Variants in GABBR2 observed in about 807,000 individuals in gnomAD.
GABBR2 encodes gamma-aminobutyric acid type B receptor subunit 2.
In GABBR2, 23 loss-of-function variants were observed where a neutral mutation model predicts 105.6. That is an observed-to-expected ratio of 0.22 (90% confidence interval 0.16 to 0.31). The LOEUF is 0.31. Among genes scored for constraint, GABBR2 ranks in the 10% least tolerant of loss-of-function variants. The pLI is 1.00. For missense variants in GABBR2, 734 were observed against 1,245.5 expected (o/e 0.59, Z 6.18); for synonymous variants, 478 against 499.7 (o/e 0.96, Z 0.58).
Position 98,377,066 on chromosome 9 carries a change from A to G in GABBR2, c.1663-5495T>C, listed in dbSNP as rs531602062. 5.3e-5 allele frequency among the ~76,000 whole-genome samples: 8 copies of G among 152,356 alleles called. No homozygotes were observed. The East Asian group carries it at 1.5e-3, about 29-fold the overall frequency. ...GCCAACACCCTTGTGTAGTGCAGAA[A>G]GTGCACAACTGCCCTTGGCAGCCTT... On this transcript the variant is annotated intron_variant, in intron 11 of 18. Transcript: ENST00000259455.
chr9:98,438,785 C>T (rs1442891381), intron 7 of GABBR2, among the ~76,000 whole-genome samples: 2 of 152,138 alleles, frequency 1.3e-5, no homozygotes, highest in African/African-American at 4.8e-5. Flanking sequence ...ATTAACCCTA[C>T]CACAAAAACC....
At position 98,349,344 on chromosome 9, in the gene GABBR2, GTTTTGTTT is replaced by G. The variant is rs1320563582; in HGVS notation, c.1893+13363_1893+13370del. Among the ~76,000 whole-genome samples the G allele has an allele frequency of 6.6e-5, 7 of 105,504 alleles. 1 individual carries two copies. Among genetic ancestry groups the G allele is most frequent in the African/African-American group, 2.8e-4 (7 of 24,916 alleles). 69.2% of individuals were successfully genotyped at this position (105,504 alleles called of 152,430 possible). On this transcript the variant is annotated intron_variant, in intron 13 of 18. Coordinates refer to ENST00000259455, the MANE Select transcript of GABBR2 (RefSeq NM_005458.8). ...TTTGGTTTGCCAATATTTTGTTGAA[GTTTTGTTT>G]TTTTTTTTTTTTTTTTTTTTTTTTT...
rs4743207 is a variant in GABBR2 at position 98,337,266 on chromosome 9, A to G, written c.1893+25449T>C. On this transcript the variant is annotated intron_variant, in intron 13 of 18. Transcript: ENST00000259455. ...GTTGCAGTGAGCCAAGATTGCACCA[A>G]TGCACTCCCGCCTGGGTGACAGAGT... 7.9e-4 allele frequency among the ~76,000 whole-genome samples: 120 copies of G among 151,940 alleles called. 4 individuals carry two copies. In the South Asian group the frequency reaches 0.024, roughly 31 times the overall value.
chr9:98,549,555 T>C (rs78230278), intron 2 of GABBR2, among the ~76,000 whole-genome samples: 1,694 of 152,314 alleles, frequency 0.011, 32 homozygotes, highest in African/African-American at 0.039. Context: ...AGGTTCATGA[T>C]TGGTACCATC....
chr9:98,494,823 G>A (rs1827244949), intron 4 of GABBR2, among the ~76,000 whole-genome samples: 1 of 152,208 alleles, frequency 6.6e-6, no homozygotes, highest in Non-Finnish European at 1.5e-5. Context: ...TGGTTGATGG[G>A]TAGAGAGTCC....
chr9:98,295,401 T>G (rs1830364197), intron 17 of GABBR2, among the ~76,000 whole-genome samples: 1 of 152,212 alleles, frequency 6.6e-6, no homozygotes, highest in Non-Finnish European at 1.5e-5. Flanking sequence ...CTAGTGTCCC[T>G]AAGCACAAGA....
intron 2 of GABBR2, among the ~76,000 whole-genome samples, chr9:98,555,462 T>TA (rs1345645629): frequency 6.6e-6 from 1 of 152,240 alleles, no homozygotes; most frequent in East Asian, 1.9e-4. Context: ...AATTTTCTCT[T>TA]AAACTTCTGG....
intron 13 of GABBR2, among the ~76,000 whole-genome samples, chr9:98,336,516 C>T (rs1438383886): frequency 6.6e-6 from 1 of 151,992 alleles, no homozygotes; most frequent in Non-Finnish European, 1.5e-5. Flanking sequence ...CCAGCCTGGC[C>T]AATATGGTGA....
chr9:98,574,072 C>T (rs910619746), intron 2 of GABBR2, among the ~76,000 whole-genome samples: 2 of 152,082 alleles, frequency 1.3e-5, no homozygotes, highest in African/African-American at 2.4e-5. Context: ...AAGTGGTATC[C>T]GGGGTTTTGA....
intron 1 of GABBR2, chr9:98,580,940 G>T (rs780559583): frequency 6.6e-6 from 1 of 152,006 alleles, no homozygotes; most frequent in East Asian, 1.9e-4. Flanking sequence ...TTAAGTGACC[G>T]CTATATGGGA....
chr9:98,580,315 T>A (rs1285246366), intron 1 of GABBR2, among the ~76,000 whole-genome samples: 1 of 151,520 alleles, frequency 6.6e-6, no homozygotes, highest in Non-Finnish European at 1.5e-5. Flanking sequence ...CATGCCACCC[T>A]ATTTAATGCC....
intron 7 of GABBR2, among the ~76,000 whole-genome samples, chr9:98,424,164 G>C (rs1351842037): frequency 6.6e-6 from 1 of 152,102 alleles, no homozygotes; most frequent in Non-Finnish European, 1.5e-5. Context: ...TGGGATGCAA[G>C]GCTGGTTCAA....
rs1412284696 is a variant in GABBR2, at chr9:98,311,219, A to G, written c.1894-14T>C. 1 of 1,530,116 alleles carries G rather than the reference A, an allele frequency of 6.5e-7. No individual in the cohort carries two copies. 94.8% of individuals were successfully genotyped at this position (1,530,116 alleles called of 1,614,324 possible). A position where few individuals can be genotyped will look rare whatever the true frequency, so the allele number is the denominator to read the frequency against. ...TGCTGGGTCCGGCTGTGCAAAGAGA[A>G]AACAGAGACTCAGGGATGGCACAGG... On this transcript the variant is annotated splice_polypyrimidine_tract_variant and intron_variant, in intron 13 of 18. Transcript: ENST00000259455.
At chr9:98,516,779 C>T (rs1026006693) in intron 3 of GABBR2, among the ~76,000 whole-genome samples, 2 of 152,190 alleles carry the variant, frequency 1.3e-5, no homozygotes, top group African/African-American at 2.4e-5. Context: ...ACCTGGAAAT[C>T]TCCCCGATAT....
At chr9:98,391,646 C>T (rs1832182888) in intron 9 of GABBR2, among the ~76,000 whole-genome samples, 1 of 152,144 alleles carries the variant, frequency 6.6e-6, no homozygotes, top group Non-Finnish European at 1.5e-5. Flanking sequence ...AAAGAGCATC[C>T]TGGGCAGAAG....
intron 4 of GABBR2, among the ~76,000 whole-genome samples, chr9:98,488,957 A>G (rs1219709097): frequency 2.0e-5 from 3 of 152,172 alleles, no homozygotes; most frequent in Non-Finnish European, 4.4e-5. Flanking sequence ...TGGGGATAAT[A>G]ATAGTACCTA....
chr9:98,581,595 T>C (rs1481106829), intron 1 of GABBR2, among the ~76,000 whole-genome samples: 2 of 152,022 alleles, frequency 1.3e-5, no homozygotes, highest in Non-Finnish European at 2.9e-5. Flanking sequence ...TGTTCCTTGA[T>C]TGAAAGCAAC....
At chr9:98,387,155 G>C (rs1259746416) in intron 10 of GABBR2, among the ~76,000 whole-genome samples, 1 of 152,186 alleles carries the variant, frequency 6.6e-6, no homozygotes, top group Non-Finnish European at 1.5e-5. Context: ...GACAGAAGTA[G>C]GGGGAGGGAT....
chr9:98,552,711 C>T (rs542537787), intron 2 of GABBR2, among the ~76,000 whole-genome samples: 4 of 152,158 alleles, frequency 2.6e-5, no homozygotes, highest in African/African-American at 7.2e-5. Context: ...TCTGGGGTAT[C>T]GTGCATAGAC....
Sources: allele counts gnomAD v4.1 joint callset (sites outside exome capture counted in the v4.1 genomes callset), GRCh38; gene constraint gnomAD v4.1.1; transcripts MANE v1.5; gene names NCBI Gene and HGNC (gene_info 2026-07-23, HGNC 2026-07-21).